Variants in DMD observed in about 807,000 individuals in gnomAD.
The protein encoded by DMD is mutant dystrophin.
DMD carries 63 observed loss-of-function variants against 330.1 expected under a neutral mutation model. The ratio of observed to expected loss-of-function variants is 0.19; its 90% CI spans 0.16 to 0.24. The LOEUF is 0.24. Ranked by LOEUF, DMD falls within the 10% of genes least tolerant of loss-of-function variation. The probability of loss-of-function intolerance (pLI) is 1.00; values close to 1 mark genes in which losing one functional copy is unlikely to be tolerated. For missense variants in DMD, 3,344 were observed against 2,684.1 expected, an observed-to-expected ratio of 1.25 and a Z score of -5.43; for synonymous variants, 1,223 against 959.8, an observed-to-expected ratio of 1.27 and a Z score of -5.07.
intron 4 of DMD, among the ~76,000 whole-genome samples, chrX:32,841,887 T>TA (rs1403107546): frequency 9.0e-6 from 1 of 111,550 alleles, no homozygotes; most frequent in East Asian, 2.8e-4. Flanking sequence ...TTGAAGTGAG[T>TA]AAAAAGGTAA....
intron 1 of DMD, among the ~76,000 whole-genome samples, chrX:33,258,782 G>A (rs992215503): frequency 9.0e-6 from 1 of 110,764 alleles, no homozygotes; most frequent in African/African-American, 3.3e-5. Context: ...ATCATCTGCC[G>A]CTGATGGTTT....
chrX:32,574,779 C>T (rs2052836063), intron 13 of DMD, among the ~76,000 whole-genome samples: 1 of 109,806 alleles, frequency 9.1e-6, no homozygotes, highest in Non-Finnish European at 1.9e-5. Context: ...TACTCAGTGT[C>T]TAAGGTCTCA....
chrX:33,106,020 T>A (rs1318951230), intron 1 of DMD, among the ~76,000 whole-genome samples: 4 of 72,287 alleles, frequency 5.5e-5, no homozygotes. Flanking sequence ...AGAATCCACC[T>A]TAGAGTGGAT....
intron 54 of DMD, among the ~76,000 whole-genome samples, chrX:31,651,959 A>C (rs1194531864): frequency 8.9e-6 from 1 of 111,941 alleles, no homozygotes; most frequent in African/African-American, 3.2e-5. Context: ...ATTCAGATTA[A>C]AAGCTAAAGT....
At chrX:31,914,214 C>A (rs780721739) in intron 47 of DMD, among the ~76,000 whole-genome samples, 22 of 111,784 alleles carry the variant, frequency 2.0e-4, no homozygotes, top group African/African-American at 7.2e-4. Flanking sequence ...TCGTCCAGCA[C>A]TTACTGCTGT....
At chrX:33,102,495 T>C (rs979646116) in intron 1 of DMD, among the ~76,000 whole-genome samples, 2 of 111,278 alleles carry the variant, frequency 1.8e-5, no homozygotes, top group African/African-American at 3.3e-5. Flanking sequence ...TCAAATATTT[T>C]CTCATCAAAT....
chrX:31,504,923 T>A (rs765839446), intron 56 of DMD, among the ~76,000 whole-genome samples: 16 of 112,327 alleles, frequency 1.4e-4, no homozygotes, highest in African/African-American at 5.2e-4. Flanking sequence ...AACTGTTTTC[T>A]ACCTGATTAA....
At chrX:32,999,954 G>C (rs2093236400) in intron 2 of DMD, among the ~76,000 whole-genome samples, 1 of 112,368 alleles carries the variant, frequency 8.9e-6, no homozygotes, top group Non-Finnish European at 1.9e-5. Context: ...ATTTTCTTTT[G>C]ATCACTCTCC....
chrX:32,273,499 C>CTTT (rs11364033), intron 43 of DMD, among the ~76,000 whole-genome samples: 1 of 102,329 alleles, frequency 9.8e-6, no homozygotes, highest in Non-Finnish European at 2.0e-5. Context: ...TTCCAATATT[C>CTTT]TTTTTTTTTT....
At chrX:32,366,255 C>A (rs899075044) in intron 34 of DMD, among the ~76,000 whole-genome samples, 1 of 112,160 alleles carries the variant, frequency 8.9e-6, no homozygotes, top group East Asian at 2.8e-4. Flanking sequence ...TGTGGCCACT[C>A]GGCATTCCAC....
chrX:31,549,125 A>G (rs2074328104), intron 55 of DMD, among the ~76,000 whole-genome samples: 1 of 111,458 alleles, frequency 9.0e-6, no homozygotes, highest in African/African-American at 3.3e-5. Flanking sequence ...AACTACATAG[A>G]AACATTCCCG....
chrX:31,160,190 T>G (rs1286886200), intron 74 of DMD, among the ~76,000 whole-genome samples: 1 of 111,548 alleles, frequency 9.0e-6, no homozygotes, highest in Non-Finnish European at 1.9e-5. Flanking sequence ...CTGGTGGCAA[T>G]TTTTCTTGGT....
intron 34 of DMD, among the ~76,000 whole-genome samples, chrX:32,376,564 T>A (rs1430772339): frequency 9.0e-6 from 1 of 111,360 alleles, no homozygotes. Flanking sequence ...TTAAATTAAT[T>A]AAATAACATA....
At chrX:32,888,648 C>G (rs763417074) in intron 2 of DMD, among the ~76,000 whole-genome samples, 1 of 111,835 alleles carries the variant, frequency 8.9e-6, no homozygotes, top group South Asian at 3.7e-4. Flanking sequence ...ATCCAGCAAT[C>G]TCACTACTGG....
At chrX:32,237,350 C>T (rs376040532) in intron 43 of DMD, among the ~76,000 whole-genome samples, 157 of 110,873 alleles carry the variant, frequency 1.4e-3, no homozygotes, top group African/African-American at 5.0e-3. Flanking sequence ...CATTCGAATA[C>T]ATTAGATTTT....
At chrX:32,486,828 T>A (rs2042528602) in intron 20 of DMD, among the ~76,000 whole-genome samples, 1 of 105,961 alleles carries the variant, frequency 9.4e-6, no homozygotes, top group South Asian at 4.3e-4. Flanking sequence ...ATCCCTTCCT[T>A]ACAACTTATA....
intron 51 of DMD, among the ~76,000 whole-genome samples, chrX:31,753,584 T>C (rs1163855764): frequency 8.9e-6 from 1 of 111,938 alleles, no homozygotes; most frequent in African/African-American, 3.2e-5. Flanking sequence ...AACATGAAAA[T>C]ATTTTAAAAG....
chrX:32,780,368 C>A (rs1204914752), intron 7 of DMD, among the ~76,000 whole-genome samples: 1 of 112,164 alleles, frequency 8.9e-6, no homozygotes, highest in Admixed American at 9.5e-5. Context: ...AATTTTATAA[C>A]AGCTTATTCT....
intron 61 of DMD, among the ~76,000 whole-genome samples, chrX:31,342,690 T>C (rs748922706): frequency 8.9e-6 from 1 of 112,108 alleles, no homozygotes; most frequent in South Asian, 3.8e-4. Flanking sequence ...ATTTCTCCCT[T>C]TACCCAAATA....
Sources: gnomAD v4.1 joint callset for allele counts (sites outside exome capture counted in the v4.1 genomes callset) on GRCh38, gnomAD v4.1.1 for gene constraint, MANE v1.5 for transcripts, NCBI Gene and HGNC (gene_info 2026-07-23, HGNC 2026-07-21) for gene names.